SLC39A11: variants seen among roughly 807,000 people sequenced by gnomAD.
SLC39A11 encodes the protein zinc transporter ZIP11.
A neutral mutation model predicts 36.1 loss-of-function variants in SLC39A11; 33 were observed. That is an observed-to-expected ratio of 0.91 (90% confidence interval 0.69 to 1.22). The LOEUF (loss-of-function observed/expected upper bound fraction) is 1.22, where lower values mean the gene tolerates loss of function less well. SLC39A11 is among the 50% of genes most tolerant of loss of function. SLC39A11 has a pLI of 0.00. For synonymous variants in SLC39A11, 166 were observed against 170.3 expected, an observed-to-expected ratio of 0.97 and a Z score of 0.20; for missense variants, 432 against 430.3, an observed-to-expected ratio of 1.00 and a Z score of -0.03.
chr17:72,733,918 C>G (rs1047195189), intron 7 of SLC39A11, among the ~76,000 whole-genome samples: 1 of 152,134 alleles, frequency 6.6e-6, no homozygotes, highest in East Asian at 1.9e-4. Flanking sequence ...GGTTCGAAAG[C>G]CCCAGCATTA....
chr17:72,911,170 G>A (rs569987094), intron 5 of SLC39A11, among the ~76,000 whole-genome samples: 1 of 152,140 alleles, frequency 6.6e-6, no homozygotes, highest in East Asian at 1.9e-4. Context: ...TACGGATTTA[G>A]AGATGAACCA....
intron 5 of SLC39A11, among the ~76,000 whole-genome samples, chr17:72,878,014 C>T (rs2081006728): frequency 7.0e-6 from 1 of 141,958 alleles, no homozygotes; most frequent in South Asian, 2.4e-4. Flanking sequence ...GTTCCCCTTC[C>T]TGGGTCCATG....
chr17:73,084,631 T>C (rs1025345804), intron 3 of SLC39A11, among the ~76,000 whole-genome samples, 177 bp downstream of exon 3: 1 of 151,976 alleles, frequency 6.6e-6, no homozygotes, highest in African/African-American at 2.4e-5. Flanking sequence ...TAAAGAGAAA[T>C]GGGCATTTGA....
At chr17:72,684,430 C>T (rs1022601013) in intron 7 of SLC39A11, among the ~76,000 whole-genome samples, 2 of 152,210 alleles carry the variant, frequency 1.3e-5, no homozygotes, top group African/African-American at 2.4e-5. Context: ...CCTTTCTCTC[C>T]GACCAGGGAA....
chr17:72,686,586 G>A (rs2071763081), intron 7 of SLC39A11, among the ~76,000 whole-genome samples: 1 of 139,314 alleles, frequency 7.2e-6, no homozygotes, highest in African/African-American at 2.6e-5. Context: ...TCTGTCCAGT[G>A]AGGGGGCTGA....
At chr17:72,962,898 T>A (rs1220276151) in intron 4 of SLC39A11, among the ~76,000 whole-genome samples, 4 of 152,166 alleles carry the variant, frequency 2.6e-5, no homozygotes, top group Admixed American at 6.5e-5. Context: ...AAGAGCTGGC[T>A]ATATGACTAT....
At chr17:72,953,121 G>A (rs1332935329) in intron 4 of SLC39A11, among the ~76,000 whole-genome samples, 1 of 152,072 alleles carries the variant, frequency 6.6e-6, no homozygotes, top group Non-Finnish European at 1.5e-5. Flanking sequence ...GTGGGCCAAT[G>A]GAGGCATGAG....
intron 6 of SLC39A11, among the ~76,000 whole-genome samples, chr17:72,738,243 A>T (rs754812301): frequency 6.6e-5 from 10 of 152,136 alleles, no homozygotes; most frequent in Non-Finnish European, 1.2e-4. Flanking sequence ...CGACCTCGTG[A>T]TCCACCCATC....
At chr17:72,780,961 T>C (rs549026944) in intron 6 of SLC39A11, among the ~76,000 whole-genome samples, 1 of 152,254 alleles carries the variant, frequency 6.6e-6, no homozygotes, top group African/African-American at 2.4e-5. Context: ...CATTGCAGCC[T>C]GGGCAACACG....
intron 7 of SLC39A11, among the ~76,000 whole-genome samples, chr17:72,679,668 T>A (rs2071425067): frequency 6.6e-6 from 1 of 152,066 alleles, no homozygotes; most frequent in Admixed American, 6.5e-5. Context: ...GAGGTATTGA[T>A]CTTGATTGGG....
chr17:72,665,389 GTTTTT>G (rs780329919), intron 7 of SLC39A11, among the ~76,000 whole-genome samples: 2 of 76,634 alleles, frequency 2.6e-5, no homozygotes, highest in African/African-American at 1.1e-4. Flanking sequence ...GTTTTGAGGT[GTTTTT>G]TTTTTTTTTT....
intron 6 of SLC39A11, among the ~76,000 whole-genome samples, chr17:72,756,015 T>A (rs2075355585): frequency 6.6e-6 from 1 of 152,168 alleles, no homozygotes; most frequent in African/African-American, 2.4e-5. Flanking sequence ...CTCACACCCA[T>A]TAGGATGTCT....
At chr17:73,043,814 C>A (rs141870037) in intron 3 of SLC39A11, among the ~76,000 whole-genome samples, 58 of 152,232 alleles carry the variant, frequency 3.8e-4, no homozygotes, top group Non-Finnish European at 6.3e-4. Flanking sequence ...CCATGATGAG[C>A]GGCCACATGA....
At position 72,680,399 on chromosome 17, in the gene SLC39A11, G is replaced by A. The variant is rs1306652588; in HGVS notation, c.672-31131C>T. Among the ~76,000 whole-genome samples, 9 of 152,114 alleles carry A rather than the reference G, an allele frequency of 5.9e-5. No individual in the cohort carries two copies. The South Asian group carries it at 6.2e-4, about 11-fold the overall frequency. On this transcript the variant is annotated intron_variant, in intron 7 of 9. Coordinates refer to ENST00000255559, the MANE Select transcript of SLC39A11 (RefSeq NM_139177.4). ...AGCTCCCATAATTCCCATATGTCAC[G>A]GAAGGGACCTGGTGGGAAGTAATTG...
At chr17:73,030,678 T>C (rs903319666) in intron 4 of SLC39A11, among the ~76,000 whole-genome samples, 10 of 152,228 alleles carry the variant, frequency 6.6e-5, no homozygotes, top group African/African-American at 2.4e-4. Context: ...GCTTCTGCCA[T>C]CTCTAGAACT....
intron 6 of SLC39A11, among the ~76,000 whole-genome samples, chr17:72,773,399 T>C (rs1266142426): frequency 6.6e-6 from 1 of 152,162 alleles, no homozygotes; most frequent in African/African-American, 2.4e-5. Context: ...CCAGTTCTCA[T>C]GGTAGTGAAT....
At chr17:72,794,380 A>G (rs370695695) in intron 6 of SLC39A11, among the ~76,000 whole-genome samples, 21 of 152,144 alleles carry the variant, frequency 1.4e-4, no homozygotes, top group African/African-American at 3.1e-4. Context: ...TGACTCCACA[A>G]TCCTTCTGTT....
At chr17:72,693,969 CT>C (rs1324149116) in intron 7 of SLC39A11, among the ~76,000 whole-genome samples, 2 of 152,094 alleles carry the variant, frequency 1.3e-5, no homozygotes, top group African/African-American at 4.8e-5. Context: ...GCCCCCAGCT[CT>C]TTATAGAAAA....
At chr17:72,849,559 TCCAGCC>T in intron 6 of SLC39A11, 69 bp downstream of exon 6, 2 of 1,408,902 alleles carry the variant, frequency 1.4e-6, no homozygotes, top group South Asian at 1.8e-5. Context: ...CTTCCCCTTT[TCCAGCC>T]AGACAACTGT....
Sources: allele counts gnomAD v4.1 joint callset (sites outside exome capture counted in the v4.1 genomes callset), GRCh38; gene constraint gnomAD v4.1.1; transcripts MANE v1.5; gene names NCBI Gene and HGNC (gene_info 2026-07-23, HGNC 2026-07-21).